GLT8D2: variants seen among roughly 807,000 people sequenced by gnomAD.
GLT8D2 encodes the protein glycosyltransferase 8 domain-containing protein 2.
GLT8D2 carries 45 observed loss-of-function variants against 44.5 expected under a neutral mutation model. That is an observed-to-expected ratio of 1.01 (90% CI 0.80 to 1.30). The LOEUF (loss-of-function observed/expected upper bound fraction) is 1.30. Ranked by LOEUF, GLT8D2 falls within the 50% of genes most tolerant of loss-of-function variation. GLT8D2 has a pLI of 0.00. For synonymous variants in GLT8D2, 156 were observed against 157.2 expected (o/e 0.99, Z 0.06); for missense variants, 400 against 430.4 (o/e 0.93, Z 0.62).
intron 1 of GLT8D2, among the ~76,000 whole-genome samples, chr12:104,022,934 A>C (rs149081888): frequency 2.6e-5 from 4 of 152,254 alleles, no homozygotes; most frequent in Non-Finnish European, 5.9e-5. Flanking sequence ...TCTAAGAGGC[A>C]TATTAACTAG....
At chr12:104,036,501 G>C (rs548406367) in intron 1 of GLT8D2, among the ~76,000 whole-genome samples, 1 of 152,144 alleles carries the variant, frequency 6.6e-6, no homozygotes, top group African/African-American at 2.4e-5. Flanking sequence ...AAAAAAGCAG[G>C]GGCTGCAATC....
chr12:104,013,180 A>T (rs1380148009), intron 4 of GLT8D2, among the ~76,000 whole-genome samples: 1 of 152,204 alleles, frequency 6.6e-6, no homozygotes, highest in East Asian at 1.9e-4. Context: ...AGAAAGTTCC[A>T]TTGAGCTGCC....
At chr12:104,032,410 T>C (rs1373873399) in intron 1 of GLT8D2, among the ~76,000 whole-genome samples, 1 of 124,334 alleles carries the variant, frequency 8.0e-6, no homozygotes, top group East Asian at 2.2e-4. Flanking sequence ...CATCTGAGCA[T>C]AACTGTACTA....
chr12:104,001,546 T>C (rs1019512667), intron 5 of GLT8D2, among the ~76,000 whole-genome samples: 4 of 152,226 alleles, frequency 2.6e-5, no homozygotes, highest in African/African-American at 9.6e-5. Context: ...CTGGGTAATG[T>C]TGTTCTGTTT....
intron 1 of GLT8D2, among the ~76,000 whole-genome samples, chr12:104,057,485 T>C (rs907550097): frequency 6.6e-6 from 1 of 151,822 alleles, no homozygotes; most frequent in Non-Finnish European, 1.5e-5. Flanking sequence ...CATGCCACTG[T>C]ACTTCAGCTC....
intron 1 of GLT8D2, among the ~76,000 whole-genome samples, chr12:104,057,982 G>C (rs1324015090): frequency 6.6e-6 from 1 of 152,130 alleles, no homozygotes; most frequent in Non-Finnish European, 1.5e-5. Context: ...GTGTCCAAGG[G>C]ACCTATGGAC....
At chr12:104,037,836 C>G (rs1180635701) in intron 1 of GLT8D2, among the ~76,000 whole-genome samples, 1 of 152,124 alleles carries the variant, frequency 6.6e-6, no homozygotes, top group Non-Finnish European at 1.5e-5. Context: ...GGCAGAGACA[C>G]AGCACAAAAA....
chr12:104,045,629 A>G (rs1364478496), intron 1 of GLT8D2, among the ~76,000 whole-genome samples: 7 of 152,194 alleles, frequency 4.6e-5, no homozygotes. Context: ...CCATTTTACC[A>G]GATGCCAAAG....
rs775724282 is a variant in GLT8D2, at chr12:103,989,456, C to G, written c.1002G>C (p.Trp334Cys). ...ATATCCCTGCAGGGTCAGGAACAAA[C>G]CAGCTTTCCCATAAGTCGTTGTGAA... ...PSVHNDLWES[W>C]FVPDPAGIFK... is the part of the protein sequence containing the mutation. Residue 334 changes from tryptophan (W) to cysteine (C), a missense_variant, in exon 11 of 11, where the codon TGG (tryptophan) becomes TGC (cysteine). By Grantham distance (215) the Trp-to-Cys change is radical. Transcript: ENST00000360814. The G allele has an allele frequency of 6.2e-7, 1 of 1,613,656 alleles. No individual in the cohort carries two copies. The highest frequency in any genetic ancestry group is 1.7e-5 in the Admixed American group (1 of 59,938).
At chr12:104,028,815 T>C (rs1326652076) in intron 1 of GLT8D2, among the ~76,000 whole-genome samples, 1 of 152,174 alleles carries the variant, frequency 6.6e-6, no homozygotes, top group Non-Finnish European at 1.5e-5. Flanking sequence ...CAAATATCAA[T>C]ATGTTCCTGC....
chr12:104,049,236 TCTCA>T (rs1487712363), intron 1 of GLT8D2, among the ~76,000 whole-genome samples: 4 of 150,944 alleles, frequency 2.6e-5, no homozygotes, highest in East Asian at 1.9e-4. Flanking sequence ...GTTTTCTTTC[TCTCA>T]CTCTCTCTCA....
chr12:104,036,962 T>C (rs542147431), intron 1 of GLT8D2, among the ~76,000 whole-genome samples: 1 of 152,226 alleles, frequency 6.6e-6, no homozygotes, highest in African/African-American at 2.4e-5. Context: ...CAACAAACTG[T>C]CTCTCAGACC....
Position 104,010,477 on chromosome 12 carries a change from ATGCTG to A in GLT8D2, c.112+4531_112+4535del, listed in dbSNP as rs550546030. ...ACATAAATTAACACGCACCTTCTCT[ATGCTG>A]TGGCCTTGCCTATGGTTGAATTTAT... On this transcript the variant is annotated intron_variant, in intron 4 of 10. Coordinates refer to ENST00000360814, the MANE Select transcript of GLT8D2 (RefSeq NM_001384711.1). Among the ~76,000 whole-genome samples, 3 of 152,268 alleles carry A rather than the reference ATGCTG, an allele frequency of 2.0e-5. No homozygotes were observed. The East Asian group carries it at 5.8e-4, about 29-fold the overall frequency.
At chr12:104,034,923 C>T (rs917332609) in intron 1 of GLT8D2, among the ~76,000 whole-genome samples, 2 of 152,138 alleles carry the variant, frequency 1.3e-5, no homozygotes, top group Admixed American at 1.3e-4. Context: ...GGTGGGTGCC[C>T]CTCTGGGACG....
rs775838336 is a variant in GLT8D2 at position 103,997,490 on chromosome 12, C to T, written c.448G>A (p.Glu150Lys). The change falls in exon 7 of 11, where the codon GAG becomes AAG. Residue 150 changes from glutamate (E) to lysine (K), a missense_variant. By Grantham distance (56) the Glu-to-Lys change is moderately conservative (BLOSUM62 1). Transcript: ENST00000360814. ...TCATCGTCCAAATAGATGACTTTCT[C>T]GTGTTGGTGGATAAGTAGAGGGAGA... ...FYLPLLIHQH[E>K]KVIYLDDDVI... is the part of the protein sequence containing the mutation. 9 of 1,613,770 alleles carry T rather than the reference C, an allele frequency of 5.6e-6. No homozygotes were observed. Among genetic ancestry groups the T allele is most frequent in the Middle Eastern group, 1.6e-4 (1 of 6,062 alleles).
intron 6 of GLT8D2, among the ~76,000 whole-genome samples, chr12:103,999,060 C>T (rs1425085148): frequency 2.6e-5 from 4 of 152,216 alleles, no homozygotes; most frequent in Admixed American, 2.6e-4. Context: ...GTTAAATATC[C>T]CAACAGCTGG....
intron 1 of GLT8D2, among the ~76,000 whole-genome samples, chr12:104,036,933 T>G (rs1027182686): frequency 5.3e-5 from 8 of 152,148 alleles, no homozygotes; most frequent in African/African-American, 1.9e-4. Flanking sequence ...CTTCAGCAAA[T>G]GTAAAAGAAC....
At chr12:104,024,688 G>A (rs760520778) in intron 1 of GLT8D2, among the ~76,000 whole-genome samples, 3 of 152,042 alleles carry the variant, frequency 2.0e-5, no homozygotes, top group Non-Finnish European at 1.5e-5. Context: ...CACATGTGGC[G>A]AAATGTCTGT....
intron 4 of GLT8D2, chr12:104,014,278 C>T (rs1378420740): frequency 2.9e-6 from 2 of 700,294 alleles, no homozygotes; most frequent in Non-Finnish European, 5.2e-6. Context: ...TTGCTTGAGC[C>T]CTGGAGGTCG....
Sources: allele counts gnomAD v4.1 joint callset (sites outside exome capture counted in the v4.1 genomes callset), GRCh38; gene constraint gnomAD v4.1.1; transcripts MANE v1.5; gene names NCBI Gene and HGNC (gene_info 2026-07-23, HGNC 2026-07-21).